Variants in AHRR observed in about 807,000 individuals in gnomAD.
AHRR encodes the protein aryl hydrocarbon receptor repressor, also known as ahR repressor.
In AHRR, 28 loss-of-function variants were observed where a neutral mutation model predicts 44.0. That is an observed-to-expected ratio of 0.64 (90% CI 0.47 to 0.87). The LOEUF is 0.87. Ranked by LOEUF, AHRR falls within the 40% of genes least tolerant of loss-of-function variation. AHRR has a pLI of 0.00. For missense variants in AHRR, 990 were observed against 953.9 expected (o/e 1.04, Z -0.50); for synonymous variants, 434 against 407.0 (o/e 1.07, Z -0.80).
chr5:343,334 A>G (rs1320073676), intron 1 of AHRR, among the ~76,000 whole-genome samples: 2 of 142,428 alleles, frequency 1.4e-5, no homozygotes, highest in Non-Finnish European at 3.1e-5. Context: ...GGTGACAGGA[A>G]CGTGGGACCC....
intron 3 of AHRR, among the ~76,000 whole-genome samples, chr5:364,863 A>T (rs1257316615): frequency 6.6e-6 from 1 of 152,132 alleles, no homozygotes; most frequent in African/African-American, 2.4e-5. Flanking sequence ...ATGTAAAAAA[A>T]TTGATTTTGG....
chr5:370,645 T>G lies in AHRR; in HGVS notation c.245-5965T>G. Among the ~76,000 whole-genome samples, 1 of 138,606 alleles carries G rather than the reference T, an allele frequency of 7.2e-6. No homozygotes were observed. Among genetic ancestry groups the G allele is most frequent in the Non-Finnish European group, 1.6e-5 (1 of 63,328 alleles). The allele number at this position is 138,606 out of a possible 152,430, so 90.9% of individuals were successfully genotyped here. A position where few individuals can be genotyped will look rare whatever the true frequency, so the allele number is the denominator to read the frequency against. ...GGGGTGGACAGCCCATGGGAAGGTG[T>G]GGGTGATGGGGGGACAGTCCATGGG... On this transcript the variant is annotated intron_variant, in intron 3 of 10. Transcript: ENST00000684583. This position sits in a 1 kb window ranked among gnomAD's most constrained non-coding sequence, Gnocchi z 4.5.
chr5:397,948 G>A (rs1370147103), intron 4 of AHRR, among the ~76,000 whole-genome samples: 50 of 107,946 alleles, frequency 4.6e-4, no homozygotes, highest in African/African-American at 8.1e-4. Context: ...GACCATCCAC[G>A]TAGCCCCTGA....
intron 4 of AHRR, among the ~76,000 whole-genome samples, chr5:392,904 G>A (rs530386205): frequency 1.4e-4 from 22 of 152,086 alleles, no homozygotes; most frequent in African/African-American, 5.1e-4. Context: ...TTTCCTTCTC[G>A]GTGTAGGTGC....
intron 2 of AHRR, among the ~76,000 whole-genome samples, chr5:351,859 CAG>C (rs1033274085): frequency 2.6e-5 from 4 of 152,208 alleles, no homozygotes; most frequent in African/African-American, 9.7e-5. Context: ...CCTGACAGAA[CAG>C]ATTGTTTCAG....
At chr5:343,572 C>CT in intron 1 of AHRR, 1 of 372,414 alleles carries the variant, frequency 2.7e-6, no homozygotes, top group East Asian at 5.7e-5. Context: ...TCCTCGATGG[C>CT]TTCCTCCTCA....
At position 434,014 on chromosome 5, in the gene AHRR, C is replaced by T. The variant is rs771822525; in HGVS notation, c.1274C>T (p.Ser425Phe). 1 of 1,587,950 alleles carries T rather than the reference C, an allele frequency of 6.3e-7. No individual in the cohort carries two copies. The highest frequency in any genetic ancestry group is 8.6e-7 in the Non-Finnish European group (1 of 1,168,466). Residue 425 changes from serine to phenylalanine, a missense_variant, in exon 11 of 11, where the codon TCC (serine) becomes TTC (phenylalanine). Coordinates refer to ENST00000684583, the MANE Select transcript of AHRR (RefSeq NM_001377236.1). ...RLQPSKNDPP[S>F]LRPMPRGSCL... Reference sequence around the variant, plus strand: ...CAGCCCAGCAAGAATGACCCGCCCTCCCTGCGCCCCATGCCCCGCGGCTCC... The same window carrying T: ...CAGCCCAGCAAGAATGACCCGCCCTTCCTGCGCCCCATGCCCCGCGGCTCC...
chr5:329,154 T>C (rs1206131773), intron 1 of AHRR, among the ~76,000 whole-genome samples: 1 of 152,204 alleles, frequency 6.6e-6, no homozygotes, highest in Non-Finnish European at 1.5e-5. Flanking sequence ...TTGGTCCTTA[T>C]GAATTTTAGG....
intron 4 of AHRR, among the ~76,000 whole-genome samples, chr5:392,803 C>G (rs183743842): frequency 9.9e-5 from 15 of 152,102 alleles, no homozygotes; most frequent in African/African-American, 2.9e-4. Context: ...CAGGCCTTAC[C>G]GCGACTGCCT....
At chr5:416,097 C>A (rs1376182960) in intron 5 of AHRR, among the ~76,000 whole-genome samples, 1 of 152,230 alleles carries the variant, frequency 6.6e-6, no homozygotes, top group Non-Finnish European at 1.5e-5. Context: ...CCCCCAGCAT[C>A]CACGTGAAGG....
intron 1 of AHRR, among the ~76,000 whole-genome samples, chr5:324,013 T>TTTCTTTCTTTCTTTCTTTCTTTC (rs1553975182): frequency 7.2e-6 from 1 of 138,310 alleles, no homozygotes; most frequent in African/African-American, 3.4e-5. Context: ...TTCTCTTTCT[T>TTTCTTTCTTTCTTTCTTTCTTTC]TCTTTCTTTC....
rs189560801 is a variant in AHRR at position 428,675 on chromosome 5, A to C, written c.908+669A>C. Reference sequence around the variant, plus strand: ...ATGCATTTCATTTCTGTTTTATTACATTGTAATATATAATGAAATAATTAT... The same window carrying C: ...ATGCATTTCATTTCTGTTTTATTACCTTGTAATATATAATGAAATAATTAT... On this transcript the variant is annotated intron_variant, in intron 8 of 10. Coordinates refer to ENST00000684583, the MANE Select transcript of AHRR (RefSeq NM_001377236.1). 3.9e-5 allele frequency among the ~76,000 whole-genome samples: 6 copies of C among 152,322 alleles called. No homozygotes were observed. The East Asian group carries it at 1.2e-3, about 29-fold the overall frequency.
intron 2 of AHRR, among the ~76,000 whole-genome samples, chr5:351,598 A>G (rs1742859966): frequency 6.6e-6 from 1 of 152,176 alleles, no homozygotes. Flanking sequence ...ACAGAAGGGG[A>G]ATCTAGAGAG....
At chr5:341,954 G>A (rs984089264) in intron 1 of AHRR, among the ~76,000 whole-genome samples, 36 of 152,166 alleles carry the variant, frequency 2.4e-4, no homozygotes, top group African/African-American at 8.0e-4. Flanking sequence ...GAATCAAAGA[G>A]GCATCTTTGA....
chr5:403,613 A>C, intron 4 of AHRR: 2 of 468,514 alleles, frequency 4.3e-6, no homozygotes, highest in Non-Finnish European at 7.6e-6. Context: ...ACTCCAGCCT[A>C]GGTGACAGAA....
Position 423,912 on chromosome 5 carries a change from G to A in AHRR, c.643G>A (p.Ala215Thr), listed in dbSNP as rs991591064. 2.7e-5 allele frequency: 43 copies of A among 1,603,754 alleles called. No homozygotes were observed. Among genetic ancestry groups the A allele is most frequent in the Non-Finnish European group, 3.3e-5 (39 of 1,179,936 alleles). Residue 215 changes from alanine to threonine, a missense_variant, in exon 7 of 11, where the codon GCC (alanine) becomes ACC (threonine). Transcript: ENST00000684583. ...CACAGGCACGCCCACCGAGTACTCG[G>A]CCTTCCTGACCCGCTGCTTCATCTG... ...WGTGTPTEYS[A>T]FLTRCFICRV...
intron 2 of AHRR, among the ~76,000 whole-genome samples, chr5:346,092 C>CA (rs925031659): frequency 2.4e-4 from 36 of 151,370 alleles, no homozygotes; most frequent in African/African-American, 8.4e-4. Flanking sequence ...AGGCCGGGAC[C>CA]AAGGGCTGCA....
intron 1 of AHRR, among the ~76,000 whole-genome samples, chr5:330,382 G>T (rs1283918918): frequency 6.6e-6 from 1 of 152,052 alleles, no homozygotes; most frequent in Non-Finnish European, 1.5e-5. Context: ...TTTTGTTGAA[G>T]ATTTTTTTTG....
intron 4 of AHRR, among the ~76,000 whole-genome samples, chr5:379,807 A>C (rs1733909259): frequency 6.6e-6 from 1 of 152,228 alleles, no homozygotes; most frequent in South Asian, 2.1e-4. Flanking sequence ...TTCTTTTGAC[A>C]GGATATTACA....
Sources: allele counts gnomAD v4.1 joint callset (sites outside exome capture counted in the v4.1 genomes callset), GRCh38; gene constraint gnomAD v4.1.1; non-coding constraint Gnocchi (gnomAD v3.1); transcripts MANE v1.5; gene names NCBI Gene and HGNC (gene_info 2026-07-23, HGNC 2026-07-21).